Variants in RBL2 observed in about 807,000 individuals in gnomAD.
RBL2 encodes RB transcriptional corepressor like 2.
Under a neutral mutation model 126.0 loss-of-function variants are expected in RBL2, and 56 were observed. The ratio of observed to expected loss-of-function variants is 0.44; its 90% CI spans 0.36 to 0.56. RBL2 has a LOEUF of 0.56. RBL2 is among the 20% of genes least tolerant of loss of function. RBL2 has a pLI of 0.00. For missense variants in RBL2, 1,229 were observed against 1,398.2 expected (o/e 0.88, Z 1.93); for synonymous variants, 454 against 478.5 (o/e 0.95, Z 0.67).
chr16:53,453,681 T>TAAATCAAGA (rs765522679), intron 6 of RBL2, 24 bp from the exon 7 acceptor site: 2 of 1,605,992 alleles, frequency 1.2e-6, no homozygotes, highest in Non-Finnish European at 1.7e-6. Context: ...CATGACGACT[T>TAAATCAAGA]AAGGATCTCT....
At chr16:53,441,159 C>A in intron 2 of RBL2, among the ~76,000 whole-genome samples, 1 of 151,746 alleles carries the variant, frequency 6.6e-6, no homozygotes, top group East Asian at 1.9e-4. Context: ...CAGGTTTCAC[C>A]GTGTTGACCA....
intron 8 of RBL2, among the ~76,000 whole-genome samples, chr16:53,459,241 G>A (rs757330950): frequency 2.6e-5 from 4 of 152,018 alleles, no homozygotes; most frequent in South Asian, 2.1e-4. Flanking sequence ...TCACACCTTC[G>A]TCTTCACATG....
chr16:53,452,539 T>G (rs1159143088), intron 5 of RBL2, among the ~76,000 whole-genome samples: 2 of 152,228 alleles, frequency 1.3e-5, no homozygotes, highest in Non-Finnish European at 2.9e-5. Flanking sequence ...GTTCAGTTGC[T>G]CCTGGTATGG....
chr16:53,480,128 A>G, intron 19 of RBL2, 137 bp downstream of exon 19: 1 of 634,674 alleles, frequency 1.6e-6, no homozygotes, highest in Non-Finnish European at 2.7e-6. Flanking sequence ...AGTAAACCAT[A>G]TTCTAGCTGG....
chr16:53,490,122 C>A lies in RBL2; in HGVS notation c.3250-8C>A. On this transcript the variant is annotated splice_region_variant and splice_polypyrimidine_tract_variant and intron_variant, in intron 21 of 21. Transcript: ENST00000262133. ...TTTTAAAATTTTTGTATCTTTTTCC[C>A]ACCATAGAGACTGAGAGAAATTAAT... 2 of 1,537,686 alleles carry A rather than the reference C, an allele frequency of 1.3e-6. No individual in the cohort carries two copies. Among genetic ancestry groups the A allele is most frequent in the Non-Finnish European group, 1.8e-6 (2 of 1,139,670 alleles).
At chr16:53,489,607 G>GATAGTACC (rs1961320854) in intron 21 of RBL2, 1 of 152,112 alleles carries the variant, frequency 6.6e-6, no homozygotes, top group Non-Finnish European at 1.5e-5. Context: ...TTCTCCCAAG[G>GATAGTACC]ATAGTACCAT....
intron 21 of RBL2, among the ~76,000 whole-genome samples, chr16:53,482,482 G>T (rs1385099290): frequency 1.3e-5 from 2 of 152,186 alleles, no homozygotes; most frequent in Non-Finnish European, 2.9e-5. Context: ...ACTGGATTGT[G>T]AAGGCCCTTA....
At chr16:53,462,514 C>A in intron 10 of RBL2, 38 bp from the exon 11 acceptor site, 1 of 1,289,394 alleles carries the variant, frequency 7.8e-7, no homozygotes, top group African/African-American at 1.6e-5. Context: ...TCTTTGTGTG[C>A]CATTTTTGTG....
At chr16:53,457,660 A>C (rs1483315774) in intron 8 of RBL2, among the ~76,000 whole-genome samples, 3 of 152,138 alleles carry the variant, frequency 2.0e-5, no homozygotes, top group African/African-American at 4.8e-5. Flanking sequence ...GTCACTCCAA[A>C]TTTTGTAAGT....
At chr16:53,435,573 A>T (rs1486925025) in intron 1 of RBL2, 1 of 1,229,680 alleles carries the variant, frequency 8.1e-7, no homozygotes, top group African/African-American at 1.6e-5. Flanking sequence ...CTTTGTATGC[A>T]CCTCCCCTTC....
In RBL2 at chr16:53,481,794, C is replaced by G. The variant is rs1960961456; in HGVS notation, c.3208C>G (p.Arg1070Gly). 1 of 1,592,964 alleles carries G rather than the reference C, an allele frequency of 6.3e-7. No homozygotes were observed. Among genetic ancestry groups the G allele is most frequent in the Admixed American group, 1.7e-5 (1 of 59,944 alleles). The stretch of plus-strand genomic sequence containing the variant: ...TAAAAATGAAACAATGCTTTCTCCT[C>G]GAGAAAAGATTTTCTATTACTTCAG... ...PHKNETMLSP[R>G]EKIFYYFSNS... The change falls in exon 21 of 22, where the codon CGA (arginine) becomes GGA (glycine). Residue 1070 changes from arginine (R) to glycine (G), a missense_variant. This residue lies in a region of RBL2 where 1,070 missense variants were observed against 1,274.3 expected (regional missense o/e 0.84). Coordinates refer to ENST00000262133, the MANE Select transcript of RBL2 (RefSeq NM_005611.4).
Position 53,467,134 on chromosome 16 carries a change from C to T in RBL2, c.1940C>T (p.Thr647Ile), listed in dbSNP as rs1323087526. Residue 647 changes from threonine (T) to isoleucine (I), a missense_variant, in exon 14 of 22, where the codon ACT becomes ATT. By Grantham distance (89) the Thr-to-Ile change is moderately conservative. This residue lies in a region of RBL2 where 1,070 missense variants were observed against 1,274.3 expected (regional missense o/e 0.84). Transcript: ENST00000262133. Reference sequence around the variant, plus strand: ...TCCCCTTTGACTCCCAGAAGGGTGACTGAAGTTCGTGCTGATACTGGAGGA... The same window carrying T: ...TCCCCTTTGACTCCCAGAAGGGTGATTGAAGTTCGTGCTGATACTGGAGGA... ...AGSPLTPRRVTEVRADTGGLG... is the reference protein window; with the variant it reads ...AGSPLTPRRVIEVRADTGGLG... The T allele has an allele frequency of 1.9e-6, 3 of 1,613,760 alleles. No homozygotes were observed. Among genetic ancestry groups the T allele is most frequent in the Admixed American group, 1.7e-5 (1 of 59,984 alleles).
chr16:53,445,269 G>C (rs553458903), intron 3 of RBL2, among the ~76,000 whole-genome samples: 2 of 150,572 alleles, frequency 1.3e-5, no homozygotes, highest in Admixed American at 6.6e-5. Flanking sequence ...TGAGGCTGCA[G>C]TGAGCTGTGC....
At chr16:53,484,679 TG>T (rs1961090315) in intron 21 of RBL2, among the ~76,000 whole-genome samples, 1 of 152,164 alleles carries the variant, frequency 6.6e-6, no homozygotes, top group Admixed American at 6.5e-5. Flanking sequence ...CCAAGGGTTG[TG>T]GGGAATAGAG....
chr16:53,434,533 G>A lies in RBL2; in HGVS notation c.-24G>A, dbSNP rs755229705. 21 of 1,431,076 alleles carry A rather than the reference G, an allele frequency of 1.5e-5. No individual in the cohort carries two copies. Among genetic ancestry groups the A allele is most frequent in the Non-Finnish European group, 1.9e-5 (21 of 1,098,692 alleles). The allele number at this position is 1,431,076 out of a possible 1,614,324, so 88.6% of individuals were successfully genotyped here. ...GGGCCCGGGCCCTCACCTCACCTGA[G>A]GTCCGGCCGCCCAGGGGTGCGCTAT... is the stretch of plus-strand genomic sequence containing the variant. On this transcript the variant is annotated 5_prime_UTR_variant, in exon 1 of 22. Coordinates refer to ENST00000262133, the MANE Select transcript of RBL2 (RefSeq NM_005611.4).
At chr16:53,444,712 G>A (rs1421604587) in intron 3 of RBL2, among the ~76,000 whole-genome samples, 3 of 152,042 alleles carry the variant, frequency 2.0e-5, no homozygotes, top group Non-Finnish European at 4.4e-5. Flanking sequence ...GGCAGGTATG[G>A]TGGTGTGTGC....
chr16:53,438,255 C>T (rs971121325), intron 1 of RBL2, among the ~76,000 whole-genome samples: 4 of 152,012 alleles, frequency 2.6e-5, no homozygotes, highest in East Asian at 1.9e-4. Context: ...AGCTGGAGCT[C>T]GTTGGGCATC....
chr16:53,457,243 G>C (rs1358768090), intron 8 of RBL2, among the ~76,000 whole-genome samples: 1 of 126,724 alleles, frequency 7.9e-6, no homozygotes, highest in Admixed American at 8.0e-5. Context: ...GGGTCATCAG[G>C]GTGGGTACAG....
At chr16:53,436,797 A>G (rs2057962887) in intron 1 of RBL2, among the ~76,000 whole-genome samples, 2 of 152,226 alleles carry the variant, frequency 1.3e-5, no homozygotes, top group South Asian at 4.1e-4. Context: ...CAGAGCCGGA[A>G]TTTGAAACCA....
Sources: allele counts gnomAD v4.1 joint callset (sites outside exome capture counted in the v4.1 genomes callset), GRCh38; gene constraint gnomAD v4.1.1; regional missense constraint gnomAD v4.1.1; transcripts MANE v1.5; gene names NCBI Gene and HGNC (gene_info 2026-07-23, HGNC 2026-07-21).